The following RERE variants were observed in gnomAD, a reference collection of about 807,000 sequenced individuals.
The protein encoded by RERE is arginine-glutamic acid dipeptide repeats.
RERE carries 40 observed loss-of-function variants against 146.1 expected under a neutral mutation model. That is an observed-to-expected ratio of 0.27 (90% CI 0.21 to 0.36). The LOEUF is 0.36. RERE is among the 10% of genes least tolerant of loss of function. The pLI, the probability that RERE is intolerant of heterozygous loss-of-function variation, is 1.00. For missense variants in RERE, 1,933 were observed against 2,138.7 expected (o/e 0.90, Z 1.90); for synonymous variants, 1,003 against 866.0 (o/e 1.16, Z -2.78).
chr1:8,669,186 C>G lies in RERE; in HGVS notation c.-144-12745G>C, dbSNP rs541074661. ...CTACCGGGCTCAAGCAATACCCCCCCCAACTCGGCCTCTCCAGTAGCTGGG... is the reference window on the plus strand; with the variant it reads ...CTACCGGGCTCAAGCAATACCCCCCGCAACTCGGCCTCTCCAGTAGCTGGG... On this transcript the variant is annotated intron_variant, in intron 1 of 22. Transcript: ENST00000400908. 1.8e-3 allele frequency among the ~76,000 whole-genome samples: 278 copies of G among 151,548 alleles called. 3 individuals carry two copies. Among genetic ancestry groups the G allele is most frequent in the South Asian group, 0.015 (71 of 4,806 alleles).
intron 1 of RERE, among the ~76,000 whole-genome samples, chr1:8,774,951 C>T (rs113211696): frequency 0.041 from 1,966 of 47,870 alleles, 249 homozygotes; most frequent in East Asian, 0.094. Flanking sequence ...TTCTTTCTTT[C>T]TTTTTTTTTT....
At chr1:8,572,639 C>T (rs532380202) in intron 4 of RERE, among the ~76,000 whole-genome samples, 13 of 152,190 alleles carry the variant, frequency 8.5e-5, no homozygotes, top group Non-Finnish European at 1.8e-4. Context: ...ATCTGCTAGG[C>T]ACCAGACACT....
Position 8,365,973 on chromosome 1 carries a change from C to T in RERE, c.1286G>A (p.Gly429Glu). 6.2e-7 allele frequency: 1 copy of T among 1,613,010 alleles called. No individual in the cohort carries two copies. The highest frequency in any genetic ancestry group is 8.5e-7 in the Non-Finnish European group (1 of 1,179,868). ...RKELLPNKET[G>E]ELITFYYYWK... The stretch of plus-strand genomic sequence containing the variant: ...ATAGTAATAGAAGGTGATCAGCTCC[C>T]CCTGCAGAAGAGAAGGGCTGACTGT... Residue 429 changes from glycine (G) to glutamate (E), a missense_variant and splice_region_variant, in exon 13 of 23, where the codon GGG becomes GAG. Around this residue, in one of 11 missense-constraint regions of RERE, gnomAD observed 260 missense variants for 378.4 expected, o/e 0.69. Coordinates refer to ENST00000400908, the MANE Select transcript of RERE (RefSeq NM_001042681.2).
chr1:8,381,180 CT>C (rs1393204013), intron 12 of RERE: 2 of 363,300 alleles, frequency 5.5e-6, no homozygotes, highest in Non-Finnish European at 1.1e-5. Flanking sequence ...CAGCTGTGAC[CT>C]TTTTGTGGCT....
chr1:8,366,770 G>C (rs1023119589), intron 12 of RERE, among the ~76,000 whole-genome samples: 6 of 152,026 alleles, frequency 3.9e-5, no homozygotes, highest in African/African-American at 1.5e-4. Flanking sequence ...TGGAAATATA[G>C]CAAATGTAAG....
chr1:8,684,621 A>G (rs929557219), intron 1 of RERE, among the ~76,000 whole-genome samples: 2 of 152,240 alleles, frequency 1.3e-5, no homozygotes, highest in African/African-American at 2.4e-5. Context: ...ATTTGGTGAA[A>G]TAGTAAGTAT....
intron 1 of RERE, among the ~76,000 whole-genome samples, chr1:8,764,715 C>T (rs1400697108): frequency 6.6e-6 from 1 of 152,146 alleles, no homozygotes; most frequent in Admixed American, 6.6e-5. Context: ...TTTAAAAGAT[C>T]AAAGGCTCCA....
At chr1:8,377,117 T>C (rs1642282154) in intron 12 of RERE, among the ~76,000 whole-genome samples, 2 of 152,172 alleles carry the variant, frequency 1.3e-5, no homozygotes, top group Admixed American at 1.3e-4. Context: ...ACCACTCATT[T>C]GAAGGCAAAG....
chr1:8,665,713 AAAT>A (rs1450330935), intron 1 of RERE, among the ~76,000 whole-genome samples: 1 of 152,212 alleles, frequency 6.6e-6, no homozygotes, highest in Non-Finnish European at 1.5e-5. Flanking sequence ...AATGCCCCCA[AAAT>A]AATAAAGCAG....
chr1:8,410,413 T>C (rs1643581776), intron 12 of RERE, among the ~76,000 whole-genome samples: 1 of 152,032 alleles, frequency 6.6e-6, no homozygotes, highest in Non-Finnish European at 1.5e-5. Flanking sequence ...ATGAAGAGCC[T>C]CCATGAGGAA....
chr1:8,446,798 C>G lies in RERE; in HGVS notation c.1203+19127G>C, dbSNP rs1366340288. 4.6e-5 allele frequency among the ~76,000 whole-genome samples: 7 copies of G among 152,096 alleles called. No homozygotes were observed. The South Asian group carries it at 8.3e-4, about 18-fold the overall frequency. On this transcript the variant is annotated intron_variant, in intron 11 of 22. Transcript: ENST00000400908. ...ACGCCATTCTCCTGCCTCAGCCTCCCGAGTAGCTGGGACTACAGGCGCCCA... is the reference window on the plus strand; with the variant it reads ...ACGCCATTCTCCTGCCTCAGCCTCCGGAGTAGCTGGGACTACAGGCGCCCA...
intron 10 of RERE, 144 bp from the exon 11 acceptor site, chr1:8,466,167 G>T (rs1644593992): frequency 2.9e-6 from 2 of 677,990 alleles, no homozygotes; most frequent in Admixed American, 5.9e-5. Context: ...GTAGGCGCAG[G>T]AATTTGTTCT....
At chr1:8,460,149 A>G (rs1644507854) in intron 11 of RERE, among the ~76,000 whole-genome samples, 1 of 152,168 alleles carries the variant, frequency 6.6e-6, no homozygotes, top group East Asian at 1.9e-4. Flanking sequence ...CTGCCATGCA[A>G]ACAGTAAATA....
intron 7 of RERE, among the ~76,000 whole-genome samples, chr1:8,520,783 T>C (rs1336154457): frequency 8.2e-6 from 1 of 121,692 alleles, no homozygotes; most frequent in African/African-American, 3.0e-5. Context: ...AAAACCACTA[T>C]GACCGAAACC....
At position 8,364,147 on chromosome 1, in the gene RERE, T is replaced by C. The variant is rs1460246902; in HGVS notation, c.1649A>G (p.Asp550Gly). 1.2e-6 allele frequency: 2 copies of C among 1,614,008 alleles called. No individual in the cohort carries two copies. The highest frequency in any genetic ancestry group is 2.2e-5 in the South Asian group (2 of 91,076). ...GELPPIEKPV[D>G]PPPFMFKPVK... ...GGGTTTGAACATAAACGGTGGCGGG[T>C]CCACGGGCTTCTCAATGGGCGGGAG... The change falls in exon 15 of 23, where the codon GAC becomes GGC. Residue 550 changes from aspartate (D) to glycine (G), a missense_variant. Coordinates refer to ENST00000400908, the MANE Select transcript of RERE (RefSeq NM_001042681.2). The surrounding 1 kb of genome is among the most constrained non-coding windows in gnomAD (Gnocchi z 5.1).
intron 12 of RERE, among the ~76,000 whole-genome samples, chr1:8,420,639 A>G (rs1017414235): frequency 6.6e-6 from 1 of 152,240 alleles, no homozygotes; most frequent in African/African-American, 2.4e-5. Context: ...ATATTTAGCA[A>G]ATGTCAGGCA....
intron 12 of RERE, among the ~76,000 whole-genome samples, chr1:8,416,586 CAAAA>C (rs5772324): frequency 5.9e-4 from 62 of 105,950 alleles, no homozygotes; most frequent in African/African-American, 2.0e-3. Flanking sequence ...ACTCCATCTC[CAAAA>C]AAAAAAAAAA....
In RERE at chr1:8,681,755, A is replaced by G. The variant is rs867299114; in HGVS notation, c.-144-25314T>C. 5.9e-5 allele frequency among the ~76,000 whole-genome samples: 9 copies of G among 152,324 alleles called. No homozygotes were observed. In the East Asian group the frequency reaches 7.7e-4, roughly 13 times the overall value. On this transcript the variant is annotated intron_variant, in intron 1 of 22. Transcript: ENST00000400908. The stretch of plus-strand genomic sequence containing the variant: ...TTAAACTGAAATAGGTACTAACGCA[A>G]TCACCACAGATTTCCACAGATCCCA...
intron 12 of RERE, among the ~76,000 whole-genome samples, chr1:8,413,120 C>T (rs561259377): frequency 1.3e-5 from 2 of 151,984 alleles, no homozygotes; most frequent in South Asian, 2.1e-4. Context: ...CATGCGTGAA[C>T]ACACACACAC....
Sources: allele counts gnomAD v4.1 joint callset (sites outside exome capture counted in the v4.1 genomes callset), GRCh38; gene constraint gnomAD v4.1.1; regional missense constraint gnomAD v4.1.1; non-coding constraint Gnocchi (gnomAD v3.1); transcripts MANE v1.5; gene names NCBI Gene and HGNC (gene_info 2026-07-23, HGNC 2026-07-21).